The following FRMD4A variants were observed in gnomAD, a reference collection of about 807,000 sequenced individuals.
The protein encoded by FRMD4A is FERM domain-containing protein 4A.
FRMD4A carries 29 observed loss-of-function variants against 129.1 expected under a neutral mutation model. The ratio of observed to expected loss-of-function variants is 0.22; its 90% CI spans 0.17 to 0.31. FRMD4A has a LOEUF of 0.31. FRMD4A is among the 10% of genes least tolerant of loss of function. The pLI is 1.00. For synonymous variants in FRMD4A, 634 were observed against 571.6 expected (o/e 1.11, Z -1.56); for missense variants, 1,272 against 1,375.8 (o/e 0.92, Z 1.19).
At chr10:14,217,832 CT>C (rs879693692) in intron 2 of FRMD4A, among the ~76,000 whole-genome samples, 100 of 146,108 alleles carry the variant, frequency 6.8e-4, no homozygotes, top group Admixed American at 1.0e-3. Flanking sequence ...CTCTCTCTCT[CT>C]TTTTTTTTTT....
In FRMD4A at chr10:14,227,896, A is replaced by G. The variant is rs987130145; in HGVS notation, c.45+102162T>C. On this transcript the variant is annotated intron_variant, in intron 2 of 24. Transcript: ENST00000357447. ...TGGCCAGAATTTTTTTTTTCTTTTA[A>G]CGGAGTCTTGCTCTGTCACCAGGCT... Among the ~76,000 whole-genome samples the G allele has an allele frequency of 2.0e-5, 3 of 151,896 alleles. No homozygotes were observed. The South Asian group carries it at 6.2e-4, about 32-fold the overall frequency.
intron 2 of FRMD4A, among the ~76,000 whole-genome samples, chr10:14,321,489 A>G (rs1212975206): frequency 6.6e-6 from 1 of 152,148 alleles, no homozygotes. Flanking sequence ...GGAAATGTCC[A>G]ACACTGTGAG....
chr10:14,243,962 T>G (rs1050459710), intron 2 of FRMD4A, among the ~76,000 whole-genome samples: 2 of 152,182 alleles, frequency 1.3e-5, no homozygotes, highest in African/African-American at 4.8e-5. Flanking sequence ...TCTCAACCTG[T>G]GGTCAAAGGC....
At chr10:13,830,379 T>C (rs754455261) in intron 3 of FRMD4A, among the ~76,000 whole-genome samples, 7 of 152,172 alleles carry the variant, frequency 4.6e-5, no homozygotes, top group Admixed American at 1.3e-4. Context: ...GCGACAGCGT[T>C]AGAACAAGAA....
intron 14 of FRMD4A, among the ~76,000 whole-genome samples, chr10:13,697,131 G>A (rs1204343726): frequency 1.3e-5 from 2 of 151,236 alleles, no homozygotes; most frequent in Non-Finnish European, 2.9e-5. Context: ...AAGCCTTATG[G>A]AAGCTTTAGC....
chr10:13,890,817 A>C (rs2094686782), intron 2 of FRMD4A: 6 of 985,256 alleles, frequency 6.1e-6, no homozygotes, highest in African/African-American at 1.7e-5. Flanking sequence ...TGCATCGTTC[A>C]GAATGAGGAT....
chr10:13,683,562 G>T (rs1478189869), intron 15 of FRMD4A, among the ~76,000 whole-genome samples: 1 of 151,890 alleles, frequency 6.6e-6, no homozygotes, highest in Admixed American at 6.6e-5. Flanking sequence ...ACACCACTGC[G>T]CTCCAGCCTG....
chr10:14,268,605 T>C (rs1845057937), intron 2 of FRMD4A, among the ~76,000 whole-genome samples: 1 of 152,216 alleles, frequency 6.6e-6, no homozygotes, highest in Non-Finnish European at 1.5e-5. Flanking sequence ...TCCAACAAAC[T>C]AGTGAAGATT....
chr10:13,797,965 T>TA (rs1433196143), intron 4 of FRMD4A, among the ~76,000 whole-genome samples: 1 of 151,962 alleles, frequency 6.6e-6, no homozygotes. Context: ...CCTGTGGCTA[T>TA]ACGGAAGACT....
At chr10:13,648,443 C>G (rs571747692) in intron 24 of FRMD4A, among the ~76,000 whole-genome samples, 1 of 152,236 alleles carries the variant, frequency 6.6e-6, no homozygotes, top group Non-Finnish European at 1.5e-5. Context: ...CTCCCTAACT[C>G]CACGTGGTCC....
intron 2 of FRMD4A, among the ~76,000 whole-genome samples, chr10:14,310,482 G>A (rs1222154359): frequency 2.6e-5 from 4 of 152,234 alleles, no homozygotes; most frequent in Non-Finnish European, 5.9e-5. Context: ...TAAGCAAGCT[G>A]AAAGCTTGCA....
At position 13,645,630 on chromosome 10, in the gene FRMD4A, G is replaced by A. The variant is rs569704036; in HGVS notation, c.*1408C>T. ...GTGGTGCATGACAGTAACTGATGAT[G>A]TAGACACATGGGCCCTTTGGGAGCT... On this transcript the variant is annotated 3_prime_UTR_variant, in exon 25 of 25. Coordinates refer to ENST00000357447, the MANE Select transcript of FRMD4A (RefSeq NM_018027.5). 6.6e-5 allele frequency: 10 copies of A among 152,546 alleles called. No homozygotes were observed. Among genetic ancestry groups the A allele is most frequent in the Non-Finnish European group, 1.2e-4 (8 of 68,036 alleles). The allele number at this position is 152,546 out of a possible 1,614,324, so 9.4% of individuals were successfully genotyped here.
At chr10:14,060,762 G>A (rs1280157339) in intron 2 of FRMD4A, among the ~76,000 whole-genome samples, 1 of 152,130 alleles carries the variant, frequency 6.6e-6, no homozygotes, top group Non-Finnish European at 1.5e-5. Context: ...TTTGATTCAT[G>A]TTTTCTGGGA....
chr10:14,032,320 C>T (rs531548563), intron 2 of FRMD4A, among the ~76,000 whole-genome samples: 5 of 152,116 alleles, frequency 3.3e-5, no homozygotes, highest in Non-Finnish European at 7.3e-5. Flanking sequence ...AAGAAGTGAT[C>T]GATTTCTTAA....
chr10:14,298,457 G>A (rs1021803489), intron 2 of FRMD4A, among the ~76,000 whole-genome samples: 1 of 152,168 alleles, frequency 6.6e-6, no homozygotes, highest in African/African-American at 2.4e-5. Flanking sequence ...TGGCAAACCA[G>A]GCAGGACACC....
At chr10:13,791,111 T>C (rs2092990367) in intron 5 of FRMD4A, among the ~76,000 whole-genome samples, 2 of 152,230 alleles carry the variant, frequency 1.3e-5, no homozygotes, top group South Asian at 2.1e-4. Context: ...AAAGATACAA[T>C]TAAGTTTGTG....
intron 11 of FRMD4A, among the ~76,000 whole-genome samples, chr10:13,739,327 C>T (rs145694004): frequency 2.0e-5 from 3 of 152,320 alleles, no homozygotes; most frequent in South Asian, 2.1e-4. Flanking sequence ...GAGAACAGAA[C>T]AAGAGGAAAC....
In FRMD4A at chr10:14,292,151, C is replaced by G. The variant is rs554732114; in HGVS notation, c.45+37907G>C. Reference sequence around the variant, plus strand: ...ATTCAATGCAATTCCATTGAAAATTCCAAAAGGAATATTTACGAAACTGGA... The same window carrying G: ...ATTCAATGCAATTCCATTGAAAATTGCAAAAGGAATATTTACGAAACTGGA... On this transcript the variant is annotated intron_variant, in intron 2 of 24. Coordinates refer to ENST00000357447, the MANE Select transcript of FRMD4A (RefSeq NM_018027.5). 2.0e-5 allele frequency among the ~76,000 whole-genome samples: 3 copies of G among 152,232 alleles called. No individual in the cohort carries two copies. In the East Asian group the frequency reaches 5.8e-4, roughly 29 times the overall value.
chr10:14,037,921 T>C (rs1833577505), intron 2 of FRMD4A, among the ~76,000 whole-genome samples: 2 of 152,236 alleles, frequency 1.3e-5, no homozygotes, highest in South Asian at 2.1e-4. Flanking sequence ...CAAGCTTTCA[T>C]TGATCCAAAT....
Sources: allele counts gnomAD v4.1 joint callset (sites outside exome capture counted in the v4.1 genomes callset), GRCh38; gene constraint gnomAD v4.1.1; transcripts MANE v1.5; gene names NCBI Gene and HGNC (gene_info 2026-07-23, HGNC 2026-07-21).